Variants in ZBED6 observed in about 807,000 individuals in gnomAD.
ZBED6 encodes zinc finger BED-type containing 6.
In ZBED6, 40 loss-of-function variants were observed where a neutral mutation model predicts 58.4. The observed-to-expected ratio is 0.68, with a 90% CI of 0.53 to 0.89. ZBED6 has a LOEUF of 0.89. Among genes scored for constraint, ZBED6 ranks in the 40% least tolerant of loss-of-function variants. ZBED6 has a pLI of 0.00. For missense variants in ZBED6, 1,057 were observed against 1,003.9 expected, an observed-to-expected ratio of 1.05 and a Z score of -0.71; for synonymous variants, 439 against 350.6, an observed-to-expected ratio of 1.25 and a Z score of -2.82.
At chr1:203,834,300 CTTGTT>C (rs1450854624) in intron 9 of ZBED6, among the ~76,000 whole-genome samples, 4 of 152,264 alleles carry the variant, frequency 2.6e-5, no homozygotes, top group Non-Finnish European at 5.9e-5. Flanking sequence ...AGACAAGAGT[CTTGTT>C]TTGTTACCCA....
chr1:203,809,675 C>T (rs140165550), intron 1 of ZBED6, among the ~76,000 whole-genome samples: 3 of 148,556 alleles, frequency 2.0e-5, no homozygotes, highest in East Asian at 4.4e-4. Context: ...CCAGGTTAAC[C>T]GGGTGCGGTG....
At chr1:203,829,864 C>A in exon 6 of ZBED6, 1 of 1,614,136 alleles carries the variant, frequency 6.2e-7, no homozygotes, top group Non-Finnish European at 8.5e-7. Context: ...CGAGTGACTT[C>A]TGTCCGGAAA....
chr1:203,820,510 C>T (rs936317254), intron 3 of ZBED6, among the ~76,000 whole-genome samples: 4 of 127,908 alleles, frequency 3.1e-5, no homozygotes, highest in African/African-American at 8.5e-5. Context: ...CAGAGTCTCG[C>T]GCTGTTACCC....
intron 7 of ZBED6, 114 bp from the exon 8 acceptor site, chr1:203,831,547 T>C (rs61827268): frequency 0.016 from 12,711 of 787,430 alleles, 151 homozygotes; most frequent in Non-Finnish European, 0.021. Flanking sequence ...GATTGGCTTA[T>C]AGTCATAATA....
intron 3 of ZBED6, 133 bp from the exon 4 acceptor site, chr1:203,828,166 C>T (rs1013836323): frequency 2.0e-6 from 2 of 1,020,756 alleles, no homozygotes; most frequent in Admixed American, 4.8e-5. Flanking sequence ...ATCTCTCTTC[C>T]TTCTAAAAAT....
At chr1:203,800,343 C>T (rs1032776484) in exon 1 of ZBED6, 2 of 893,226 alleles carry the variant, frequency 2.2e-6, no homozygotes, top group South Asian at 1.4e-5. Context: ...TATAGAACAA[C>T]TGATGTTTCT....
intron 4 of ZBED6, 32 bp downstream of exon 4, chr1:203,828,454 C>T (rs758202497): frequency 6.4e-7 from 1 of 1,574,386 alleles, no homozygotes; most frequent in Non-Finnish European, 8.6e-7. Flanking sequence ...AAAAGAATAT[C>T]AAATGAACAC....
chr1:203,824,653 C>G (rs1204868848), intron 3 of ZBED6, among the ~76,000 whole-genome samples: 1 of 152,020 alleles, frequency 6.6e-6, no homozygotes, highest in Non-Finnish European at 1.5e-5. Flanking sequence ...AAACAAGTGT[C>G]CTTTTCATGA....
exon 1 of ZBED6, chr1:203,800,393 G>A (rs1028725073): frequency 1.1e-5 from 12 of 1,065,872 alleles, no homozygotes; most frequent in African/African-American, 9.4e-5. Flanking sequence ...ATTATTCTAC[G>A]TTGGTTCTGA....
At chr1:203,815,216 C>CTTTCTT (rs767809337) in intron 1 of ZBED6, among the ~76,000 whole-genome samples, 2 of 97,154 alleles carry the variant, frequency 2.1e-5, no homozygotes, top group African/African-American at 7.8e-5. Flanking sequence ...CTTTTCTTTT[C>CTTTCTT]TTTTTTTTTT....
intron 7 of ZBED6, 32 bp from the exon 8 acceptor site, chr1:203,831,629 T>G (rs185377117): frequency 6.3e-7 from 1 of 1,577,058 alleles, no homozygotes; most frequent in East Asian, 2.2e-5. Context: ...TTTCCATAAA[T>G]TATTTGCTGT....
chr1:203,820,508 C>T (rs978232661), intron 3 of ZBED6, among the ~76,000 whole-genome samples: 2 of 124,460 alleles, frequency 1.6e-5, no homozygotes, highest in African/African-American at 5.7e-5. Context: ...GACAGAGTCT[C>T]GCGCTGTTAC....
At chr1:203,839,053 A>G (rs1283052825) in intron 10 of ZBED6, among the ~76,000 whole-genome samples, 1 of 151,946 alleles carries the variant, frequency 6.6e-6, no homozygotes, top group Admixed American at 6.6e-5. Context: ...TGCAATATGG[A>G]GACAGATTAG....
chr1:203,853,465 G>T (rs1387635016), exon 17 of ZBED6: 2 of 152,512 alleles, frequency 1.3e-5, no homozygotes, highest in Non-Finnish European at 2.9e-5. Flanking sequence ...TTTTCTTGAT[G>T]TTGGTTTCCT....
At chr1:203,847,161 A>T in intron 11 of ZBED6, 23 bp from the exon 12 acceptor site, 1 of 1,610,060 alleles carries the variant, frequency 6.2e-7, no homozygotes, top group South Asian at 1.1e-5. Context: ...GTATAATGAC[A>T]TGTTTTTCTC....
intron 1 of ZBED6, among the ~76,000 whole-genome samples, chr1:203,809,300 C>T (rs1189250830): frequency 2.0e-5 from 3 of 151,554 alleles, no homozygotes; most frequent in African/African-American, 7.3e-5. Flanking sequence ...CTCAGCCTCC[C>T]GAGTAACTGG....
exon 17 of ZBED6, chr1:203,853,450 T>A (rs1406739920): frequency 1.3e-5 from 2 of 152,508 alleles, no homozygotes; most frequent in Admixed American, 6.6e-5. Context: ...CTGAATTGAG[T>A]TTTCTTTTCT....
At chr1:203,812,689 C>A (rs1674929158) in intron 1 of ZBED6, among the ~76,000 whole-genome samples, 1 of 146,138 alleles carries the variant, frequency 6.8e-6, no homozygotes, top group African/African-American at 2.6e-5. Flanking sequence ...TCAAACGATT[C>A]TCCTGTTTTT....
exon 1 of ZBED6, chr1:203,801,834 A>G (rs1670630160): frequency 6.8e-6 from 1 of 146,518 alleles, no homozygotes; most frequent in Non-Finnish European, 1.5e-5. Context: ...TTTTTTTTAA[A>G]TTCTTAAATG....
Sources: allele counts gnomAD v4.1 joint callset (sites outside exome capture counted in the v4.1 genomes callset), GRCh38; gene constraint gnomAD v4.1.1; transcripts MANE v1.5; gene names NCBI Gene and HGNC (gene_info 2026-07-23, HGNC 2026-07-21).